The following AGTRAP variants were observed in gnomAD, a reference collection of about 807,000 sequenced individuals.
The protein encoded by AGTRAP is angiotensin II receptor associated protein.
In AGTRAP, 7 loss-of-function variants were observed where a neutral mutation model predicts 15.2. That is an observed-to-expected ratio of 0.46 (90% CI 0.26 to 0.87). AGTRAP has a LOEUF of 0.87. AGTRAP is among the 40% of genes least tolerant of loss of function. The pLI is 0.15. For missense variants in AGTRAP, 187 were observed against 213.4 expected, an observed-to-expected ratio of 0.88 and a Z score of 0.77; for synonymous variants, 74 against 89.6, an observed-to-expected ratio of 0.83 and a Z score of 0.98.
intron 1 of AGTRAP, among the ~76,000 whole-genome samples, chr1:11,740,338 C>T (rs1641998800): frequency 6.6e-6 from 1 of 152,190 alleles, no homozygotes; most frequent in African/African-American, 2.4e-5. Context: ...TGGGTGTCCT[C>T]CTGTTACACA....
At position 11,750,613 on chromosome 1, in the gene AGTRAP, T is replaced by G; in HGVS notation, c.*421T>G. ...AGGTCCTGCTCAGCCCGAGGAGCAG[T>G]CTGGCATGGGAGTGAGGCCCCGTCC... is the stretch of plus-strand genomic sequence containing the variant. On this transcript the variant is annotated 3_prime_UTR_variant, in exon 5 of 5. Coordinates refer to ENST00000314340, the MANE Select transcript of AGTRAP (RefSeq NM_020350.5). The G allele has an allele frequency of 2.4e-6, 1 of 422,860 alleles. No individual in the cohort carries two copies. 26.2% of individuals were successfully genotyped at this position (422,860 alleles called of 1,614,324 possible). A position where few individuals can be genotyped will look rare whatever the true frequency, so the allele number is the denominator to read the frequency against.
rs192883444 is a variant in AGTRAP at position 11,746,246 on chromosome 1, A to G, written c.62+409A>G. The G allele has an allele frequency of 1.0e-5, 16 of 1,570,506 alleles. No homozygotes were observed. The Admixed American group carries it at 2.3e-4, about 22-fold the overall frequency. ...GCTGTGAGTAATGTGAACTGTAACCATCATGATTCACGACCTTGAGAAGCA... is the reference window on the plus strand; with the variant it reads ...GCTGTGAGTAATGTGAACTGTAACCGTCATGATTCACGACCTTGAGAAGCA... On this transcript the variant is annotated intron_variant, in intron 2 of 4. Transcript: ENST00000314340.
chr1:11,742,306 G>A (rs1031356415), intron 1 of AGTRAP, among the ~76,000 whole-genome samples: 6 of 152,212 alleles, frequency 3.9e-5, no homozygotes, highest in African/African-American at 1.4e-4. Flanking sequence ...CATGTGAGAC[G>A]GTTGGCATAG....
chr1:11,746,422 T>G, intron 2 of AGTRAP: 2 of 558,512 alleles, frequency 3.6e-6, no homozygotes, highest in Non-Finnish European at 6.4e-6. Flanking sequence ...ACACCTGCCT[T>G]GCACATGTCT....
At chr1:11,736,839 G>A (rs1025317220) in intron 1 of AGTRAP, among the ~76,000 whole-genome samples, 54 of 152,244 alleles carry the variant, frequency 3.5e-4, no homozygotes, top group African/African-American at 1.3e-3. Flanking sequence ...AGGGCTTCCT[G>A]TGGTGTCTTC....
chr1:11,736,267 G>A, intron 1 of AGTRAP, 32 bp downstream of exon 1: 2 of 1,600,538 alleles, frequency 1.2e-6, no homozygotes, highest in Non-Finnish European at 1.7e-6. Flanking sequence ...GGTCCCCTTT[G>A]CGGGAGGAAG....
rs987230371 is a variant in AGTRAP at position 11,745,675 on chromosome 1, A to G, written c.28-128A>G. On this transcript the variant is annotated intron_variant, in intron 1 of 4. Coordinates refer to ENST00000314340, the MANE Select transcript of AGTRAP (RefSeq NM_020350.5). The surrounding 1 kb of genome is among the most constrained non-coding windows in gnomAD (Gnocchi z 4.2). ...CTGCAGTTGCTGGTGTGCCTTTTCA[A>G]CAGACATTACTGAGGCCCTCAGAGG... is the stretch of plus-strand genomic sequence containing the variant. 2.0e-6 allele frequency: 2 copies of G among 1,000,328 alleles called. No individual in the cohort carries two copies. Among genetic ancestry groups the G allele is most frequent in the Non-Finnish European group, 1.6e-6 (1 of 633,878 alleles). The allele number at this position is 1,000,328 out of a possible 1,614,324, so 62.0% of individuals were successfully genotyped here.
Position 11,750,392 on chromosome 1 carries a change from C to T in AGTRAP, c.*200C>T. 1 of 631,420 alleles carries T rather than the reference C, an allele frequency of 1.6e-6. No individual in the cohort carries two copies. Among genetic ancestry groups the T allele is most frequent in the Non-Finnish European group, 2.9e-6 (1 of 350,228 alleles). 39.1% of individuals were successfully genotyped at this position (631,420 alleles called of 1,614,324 possible). A position where few individuals can be genotyped will look rare whatever the true frequency, so the allele number is the denominator to read the frequency against. ...TCCTGTCCCGAACTCCCTGAGGCCT[C>T]CCCTCCCTTCAGGGCACCCACTGGT... On this transcript the variant is annotated 3_prime_UTR_variant, in exon 5 of 5. Coordinates refer to ENST00000314340, the MANE Select transcript of AGTRAP (RefSeq NM_020350.5).
chr1:11,746,153 C>T, intron 2 of AGTRAP: 1 of 1,613,804 alleles, frequency 6.2e-7, no homozygotes, highest in Non-Finnish European at 8.5e-7. Flanking sequence ...TCTGCCAAAC[C>T]AAGACTGGAA....
intron 1 of AGTRAP, among the ~76,000 whole-genome samples, chr1:11,740,656 G>A (rs1642009458): frequency 1.3e-5 from 2 of 152,110 alleles, no homozygotes; most frequent in African/African-American, 4.8e-5. Flanking sequence ...CGGATCAGAG[G>A]CCCCCCTGGG....
intron 1 of AGTRAP, among the ~76,000 whole-genome samples, chr1:11,738,831 G>A (rs1327252347): frequency 6.6e-6 from 1 of 152,168 alleles, no homozygotes; most frequent in African/African-American, 2.4e-5. Context: ...GGCCACCCTG[G>A]GGGATCTCAC....
At chr1:11,749,831 T>C (rs1271915250) in intron 4 of AGTRAP, among the ~76,000 whole-genome samples, 1 of 151,362 alleles carries the variant, frequency 6.6e-6, no homozygotes, top group Admixed American at 6.6e-5. Context: ...TTCATCCCTT[T>C]GACCCACAGT....
At chr1:11,737,062 TACTC>T (rs1321376962) in intron 1 of AGTRAP, among the ~76,000 whole-genome samples, 1 of 152,226 alleles carries the variant, frequency 6.6e-6, no homozygotes, top group Non-Finnish European at 1.5e-5. Context: ...AATGTCCTCT[TACTC>T]ATGAATGACA....
intron 1 of AGTRAP, among the ~76,000 whole-genome samples, chr1:11,741,348 G>T (rs75281260): frequency 6.6e-6 from 1 of 152,152 alleles, no homozygotes; most frequent in Non-Finnish European, 1.5e-5. Context: ...CGGGATGAGG[G>T]TTCACTGCAC....
chr1:11,742,486 T>C (rs1181776630), intron 1 of AGTRAP, among the ~76,000 whole-genome samples: 1 of 151,978 alleles, frequency 6.6e-6, no homozygotes, highest in Non-Finnish European at 1.5e-5. Flanking sequence ...TTCTTTCTTT[T>C]TCTTTCTTTC....
intron 2 of AGTRAP, 171 bp downstream of exon 2, chr1:11,746,008 G>A (rs776675659): frequency 2.6e-5 from 34 of 1,327,526 alleles, no homozygotes; most frequent in Non-Finnish European, 3.6e-5. Context: ...TGCACACCCT[G>A]CAGGAGCTGG....
chr1:11,737,599 A>C (rs1641930461), intron 1 of AGTRAP, among the ~76,000 whole-genome samples: 1 of 152,218 alleles, frequency 6.6e-6, no homozygotes, highest in East Asian at 1.9e-4. Context: ...CCAAGGTCCC[A>C]CGGGGAGTAA....
intron 1 of AGTRAP, among the ~76,000 whole-genome samples, chr1:11,738,847 C>G (rs796276010): frequency 6.6e-5 from 10 of 152,310 alleles, no homozygotes; most frequent in African/African-American, 2.4e-4. Context: ...CTCACTAGCA[C>G]GTGTAACAGG....
chr1:11,750,066 C>T lies in AGTRAP; in HGVS notation c.365-11C>T, dbSNP rs1437922265. ...TCATTTTTCTTTCCCACCATGTCCC[C>T]TGTCACCTAGGTTTCCTTGGGTCTT... On this transcript the variant is annotated splice_polypyrimidine_tract_variant and intron_variant, in intron 4 of 4. Coordinates refer to ENST00000314340, the MANE Select transcript of AGTRAP (RefSeq NM_020350.5). 1.9e-6 allele frequency: 3 copies of T among 1,608,434 alleles called. No individual in the cohort carries two copies. Among genetic ancestry groups the T allele is most frequent in the East Asian group, 4.5e-5 (2 of 44,842 alleles).
Sources: gnomAD v4.1 joint callset for allele counts (sites outside exome capture counted in the v4.1 genomes callset) on GRCh38, gnomAD v4.1.1 for gene constraint, Gnocchi (gnomAD v3.1) non-coding constraint, MANE v1.5 for transcripts, NCBI Gene and HGNC (gene_info 2026-07-23, HGNC 2026-07-21) for gene names.